DGCR2: variants seen among roughly 807,000 people sequenced by gnomAD.
DGCR2 encodes the protein DiGeorge syndrome critical region gene 2.
DGCR2 carries 24 observed loss-of-function variants against 51.6 expected under a neutral mutation model. That is an observed-to-expected ratio of 0.47 (90% CI 0.34 to 0.65). The LOEUF is 0.65. Ranked by LOEUF, DGCR2 falls within the 30% of genes least tolerant of loss-of-function variation. The pLI is 0.01. For synonymous variants in DGCR2, 340 were observed against 315.4 expected, an observed-to-expected ratio of 1.08 and a Z score of -0.82; for missense variants, 765 against 772.1, an observed-to-expected ratio of 0.99 and a Z score of 0.11.
intron 1 of DGCR2, among the ~76,000 whole-genome samples, chr22:19,111,795 A>G (rs2083316858): frequency 6.6e-6 from 1 of 152,082 alleles, no homozygotes; most frequent in Non-Finnish European, 1.5e-5. Flanking sequence ...TCACAATGTC[A>G]GCACTTGGGC....
chr22:19,099,780 C>T (rs2083181454), intron 1 of DGCR2, among the ~76,000 whole-genome samples: 1 of 150,020 alleles, frequency 6.7e-6, no homozygotes, highest in African/African-American at 2.5e-5. Flanking sequence ...ACCAGCCTGG[C>T]CAAGATGGTG....
intron 1 of DGCR2, among the ~76,000 whole-genome samples, chr22:19,110,564 A>G (rs1178325445): frequency 6.6e-6 from 1 of 152,120 alleles, no homozygotes; most frequent in Non-Finnish European, 1.5e-5. Flanking sequence ...ACCATGGCAC[A>G]TGTATGCCTA....
At chr22:19,109,742 C>A (rs868595631) in intron 1 of DGCR2, among the ~76,000 whole-genome samples, 1 of 152,098 alleles carries the variant, frequency 6.6e-6, no homozygotes, top group Non-Finnish European at 1.5e-5. Context: ...ACTGAATGAA[C>A]TGAACACTGA....
At chr22:19,108,850 C>T (rs2083286094) in intron 1 of DGCR2, among the ~76,000 whole-genome samples, 1 of 145,448 alleles carries the variant, frequency 6.9e-6, no homozygotes, top group Non-Finnish European at 1.5e-5. Context: ...AGTGAGATCT[C>T]ATCTTTACAA....
intron 2 of DGCR2, among the ~76,000 whole-genome samples, chr22:19,076,045 G>A (rs924074548): frequency 2.6e-5 from 4 of 151,900 alleles, no homozygotes; most frequent in Admixed American, 1.3e-4. Context: ...TGCAACCTCC[G>A]TCTCCCAGGC....
intron 7 of DGCR2, among the ~76,000 whole-genome samples, chr22:19,042,170 T>C (rs982396929): frequency 6.6e-5 from 10 of 152,128 alleles, no homozygotes; most frequent in Admixed American, 2.0e-4. Context: ...GAATCCCAGG[T>C]CAGGAGGAGC....
At chr22:19,087,678 CTTTT>C (rs35513614) in intron 2 of DGCR2, among the ~76,000 whole-genome samples, 4 of 120,274 alleles carry the variant, frequency 3.3e-5, no homozygotes, top group Admixed American at 8.6e-5. Context: ...CTGCACCTGG[CTTTT>C]TTTTTTTTTT....
chr22:19,063,312 G>A (rs747158404), intron 4 of DGCR2, 34 bp from the exon 5 acceptor site: 1 of 1,592,208 alleles, frequency 6.3e-7, no homozygotes, highest in Non-Finnish European at 8.6e-7. Context: ...AGAGATCTCA[G>A]CGGCAGGAGG....
At chr22:19,099,616 CT>C (rs544911225) in intron 1 of DGCR2, among the ~76,000 whole-genome samples, 29 of 152,200 alleles carry the variant, frequency 1.9e-4, no homozygotes, top group African/African-American at 7.0e-4. Flanking sequence ...TCTCAATATC[CT>C]CCACAGTCTC....
intron 1 of DGCR2, among the ~76,000 whole-genome samples, chr22:19,118,034 C>T (rs962741982): frequency 6.6e-6 from 1 of 152,128 alleles, no homozygotes; most frequent in African/African-American, 2.4e-5. Context: ...GCACTCTCTC[C>T]CTATGCACCA....
intron 2 of DGCR2, among the ~76,000 whole-genome samples, chr22:19,087,472 C>T (rs2083029908): frequency 6.6e-6 from 1 of 152,166 alleles, no homozygotes; most frequent in Non-Finnish European, 1.5e-5. Flanking sequence ...TCACTGCAAC[C>T]TCTACCTCCT....
chr22:19,039,068 C>T lies in DGCR2; in HGVS notation c.1450G>A (p.Gly484Arg). Residue 484 changes from glycine (G) to arginine (R), a missense_variant, in exon 10 of 10, where the codon GGG becomes AGG. Physicochemically the swap from Gly to Arg is moderately radical, Grantham distance 125 (BLOSUM62 -2). Around this residue, in one of 3 missense-constraint regions of DGCR2, gnomAD observed 205 missense variants for 181.4 expected, o/e 1.13. Transcript: ENST00000263196. ...CGCCGGAGTAATGCACCTTCACTCC[C>T]ACCATCCCCAGGGGCTGGCAGGCTG... ...EVSLPAPGDG[G>R]SEGALLRRLE... 2 of 1,613,306 alleles carry T rather than the reference C, an allele frequency of 1.2e-6. No individual in the cohort carries two copies. The highest frequency in any genetic ancestry group is 1.7e-6 in the Non-Finnish European group (2 of 1,180,014).
At position 19,057,280 on chromosome 22, in the gene DGCR2, G is replaced by A; in HGVS notation, c.626-118C>T. On this transcript the variant is annotated intron_variant, in intron 5 of 9. Transcript: ENST00000263196. This position sits in a 1 kb window ranked among gnomAD's most constrained non-coding sequence, Gnocchi z 5.1. ...TCAACCACAGGGCCTGGACCGCCAA[G>A]TACTGGTGGTCACTGTGGCCAGGTG... 1 of 1,126,484 alleles carries A rather than the reference G, an allele frequency of 8.9e-7. No homozygotes were observed. The highest frequency in any genetic ancestry group is 1.2e-6 in the Non-Finnish European group (1 of 812,460). 69.8% of individuals were successfully genotyped at this position (1,126,484 alleles called of 1,614,324 possible).
chr22:19,097,322 G>A (rs995483532), intron 1 of DGCR2, among the ~76,000 whole-genome samples: 13 of 152,160 alleles, frequency 8.5e-5, no homozygotes, highest in South Asian at 2.1e-4. Context: ...TTGGGAAGCC[G>A]AGGCGGGTGG....
intron 1 of DGCR2, among the ~76,000 whole-genome samples, chr22:19,093,503 C>G (rs779739076): frequency 6.6e-6 from 1 of 151,966 alleles, no homozygotes; most frequent in Non-Finnish European, 1.5e-5. Context: ...ACCAAAAACA[C>G]AATCTATAAA....
chr22:19,087,753 T>C (rs1365752341), intron 2 of DGCR2, among the ~76,000 whole-genome samples: 1 of 151,230 alleles, frequency 6.6e-6, no homozygotes, highest in Non-Finnish European at 1.5e-5. Flanking sequence ...GGCACAATCT[T>C]GACTCACTGC....
chr22:19,039,029 G>A lies in DGCR2; in HGVS notation c.1489C>T (p.Leu497=). 6.2e-7 allele frequency: 1 copy of A among 1,612,994 alleles called. No homozygotes were observed. Among genetic ancestry groups the A allele is most frequent in the Non-Finnish European group, 8.5e-7 (1 of 1,179,882 alleles). ...GALLRRLEQP[L]PTAGASLADL... is the part of the protein sequence containing the mutation. ...GCCAGAGAGGCCCCCGCAGTGGGCA[G>A]AGGCTGCTCCAGGCGCCGGAGTAAT... Residue 497 remains leucine, a synonymous_variant, in exon 10 of 10, where the codon CTG becomes TTG. Coordinates refer to ENST00000263196, the MANE Select transcript of DGCR2 (RefSeq NM_005137.3).
chr22:19,062,779 A>ATTTTTT, intron 5 of DGCR2, among the ~76,000 whole-genome samples: 1 of 127,354 alleles, frequency 7.9e-6, no homozygotes, highest in Non-Finnish European at 1.8e-5. Flanking sequence ...ATGCATGCTC[A>ATTTTTT]CTCTCTCTCT....
intron 1 of DGCR2, among the ~76,000 whole-genome samples, chr22:19,105,572 A>G (rs2800972): frequency 0.49 from 74,649 of 152,048 alleles, 19,511 homozygotes; most frequent in African/African-American, 0.68. Flanking sequence ...GGAGCGATGC[A>G]CGCTCTGGAA....
Sources: gnomAD v4.1 joint callset for allele counts (sites outside exome capture counted in the v4.1 genomes callset) on GRCh38, gnomAD v4.1.1 for gene constraint, gnomAD v4.1.1 regional missense constraint, Gnocchi (gnomAD v3.1) non-coding constraint, MANE v1.5 for transcripts, NCBI Gene and HGNC (gene_info 2026-07-23, HGNC 2026-07-21) for gene names.